SLC39A12: variants seen among roughly 807,000 people sequenced by gnomAD.
SLC39A12 encodes solute carrier family 39 member 12, also known as zinc transporter ZIP12.
Under a neutral mutation model 71.1 loss-of-function variants are expected in SLC39A12, and 63 were observed. That is an observed-to-expected ratio of 0.89 (90% confidence interval 0.72 to 1.09). SLC39A12 has a LOEUF of 1.09. Ranked by LOEUF, SLC39A12 falls within the 50% of genes least tolerant of loss-of-function variation. The pLI, the probability that SLC39A12 is intolerant of heterozygous loss-of-function variation, is 0.00. For synonymous variants in SLC39A12, 351 were observed against 301.3 expected, an observed-to-expected ratio of 1.16 and a Z score of -1.71; for missense variants, 892 against 812.6, an observed-to-expected ratio of 1.10 and a Z score of -1.19.
intron 11 of SLC39A12, 196 bp from the exon 12 acceptor site, chr10:18,002,975 G>T (rs1481505592): frequency 5.7e-6 from 3 of 521,962 alleles, no homozygotes; most frequent in Non-Finnish European, 1.0e-5. Flanking sequence ...CTCTTGAAAT[G>T]CAACTTCCTA....
intron 7 of SLC39A12, among the ~76,000 whole-genome samples, chr10:17,988,489 C>T (rs1297316311): frequency 5.3e-5 from 8 of 152,184 alleles, no homozygotes. Flanking sequence ...TGACACCATG[C>T]TTCCTGTACA....
chr10:17,979,366 AAAACTAG>A (rs1364339635), intron 5 of SLC39A12, among the ~76,000 whole-genome samples: 1 of 152,220 alleles, frequency 6.6e-6, no homozygotes, highest in East Asian at 1.9e-4. Flanking sequence ...AAGGTATTGT[AAAACTAG>A]AAACTATTCG....
chr10:17,964,580 G>A (rs970289556), intron 3 of SLC39A12, among the ~76,000 whole-genome samples: 9 of 152,198 alleles, frequency 5.9e-5, no homozygotes, highest in South Asian at 4.1e-4. Context: ...CAAAATTAGA[G>A]CTTTTCACAT....
intron 12 of SLC39A12, among the ~76,000 whole-genome samples, chr10:18,024,353 G>A (rs937138263): frequency 6.6e-5 from 10 of 152,114 alleles, no homozygotes; most frequent in Admixed American, 3.3e-4. Flanking sequence ...TGTCAGTCTG[G>A]AGGAACTGAG....
chr10:18,019,139 G>T (rs1199777098), intron 12 of SLC39A12, among the ~76,000 whole-genome samples: 3 of 152,004 alleles, frequency 2.0e-5, no homozygotes, highest in Non-Finnish European at 1.5e-5. Flanking sequence ...GTGTTTTTCA[G>T]GGAATTGGTC....
intron 12 of SLC39A12, among the ~76,000 whole-genome samples, chr10:18,036,772 A>T (rs1291162395): frequency 1.7e-3 from 20 of 11,894 alleles, no homozygotes; most frequent in African/African-American, 4.0e-3. Flanking sequence ...ATATATATAT[A>T]TATATATATA....
chr10:17,969,346 T>A (rs1466765679), intron 4 of SLC39A12, among the ~76,000 whole-genome samples: 1 of 152,122 alleles, frequency 6.6e-6, no homozygotes, highest in East Asian at 1.9e-4. Flanking sequence ...CAATTTTTAG[T>A]TTTTTTGAGA....
intron 12 of SLC39A12, among the ~76,000 whole-genome samples, chr10:18,042,486 C>T (rs560971191): frequency 2.7e-3 from 349 of 129,702 alleles, no homozygotes; most frequent in African/African-American, 9.4e-3. Context: ...AAAAAAAAGA[C>T]TTTGCCAATC....
chr10:18,025,067 A>G (rs144113825), intron 12 of SLC39A12, among the ~76,000 whole-genome samples: 81 of 152,276 alleles, frequency 5.3e-4, no homozygotes, highest in African/African-American at 1.9e-3. Context: ...TGGTATATTT[A>G]GATAACTGTT....
At chr10:17,990,305 C>T (rs186006737) in intron 7 of SLC39A12, among the ~76,000 whole-genome samples, 1 of 152,194 alleles carries the variant, frequency 6.6e-6, no homozygotes, top group East Asian at 1.9e-4. Context: ...TGTATACTCA[C>T]ATATACACAC....
chr10:17,956,486 G>C (rs80187370), intron 2 of SLC39A12, among the ~76,000 whole-genome samples: 1 of 152,154 alleles, frequency 6.6e-6, no homozygotes, highest in African/African-American at 2.4e-5. Context: ...TTAGGAATCA[G>C]ATCTCTCAGG....
At chr10:17,984,502 A>G (rs1835351880) in intron 6 of SLC39A12, among the ~76,000 whole-genome samples, 2 of 152,348 alleles carry the variant, frequency 1.3e-5, no homozygotes, top group East Asian at 3.9e-4. Flanking sequence ...TTTATTAAAC[A>G]TCCAGGTGCT....
intron 12 of SLC39A12, among the ~76,000 whole-genome samples, chr10:18,014,382 A>T (rs560731974): frequency 1.3e-5 from 2 of 152,326 alleles, no homozygotes; most frequent in East Asian, 3.9e-4. Flanking sequence ...CTACTGCTTA[A>T]CAAATTATTA....
chr10:17,987,616 C>G lies in SLC39A12; in HGVS notation c.1234C>G (p.Leu412Val). Reference sequence around the variant, plus strand: ...GTTTGTGGGCTTGGCCGTCGGGACACTGTCTGGGGACGCTCTGCTCCACCT... The same window carrying G: ...GTTTGTGGGCTTGGCCGTCGGGACAGTGTCTGGGGACGCTCTGCTCCACCT... ...QLFVGLAVGT[L>V]SGDALLHLIP... The change falls in exon 7 of 13, where the codon CTG (leucine) becomes GTG (valine). Residue 412 changes from leucine to valine, a missense_variant. By Grantham distance (32) the Leu-to-Val change is conservative. Transcript: ENST00000377369. 6.2e-6 allele frequency: 10 copies of G among 1,614,202 alleles called. No homozygotes were observed. The highest frequency in any genetic ancestry group is 1.3e-5 in the African/African-American group (1 of 75,056).
intron 12 of SLC39A12, among the ~76,000 whole-genome samples, chr10:18,038,195 G>A (rs1290090325): frequency 6.6e-6 from 1 of 151,630 alleles, no homozygotes; most frequent in African/African-American, 2.4e-5. Context: ...GGTGTTTTCT[G>A]GTGGATAATG....
intron 2 of SLC39A12, among the ~76,000 whole-genome samples, chr10:17,957,670 T>C (rs1834584442): frequency 6.6e-6 from 1 of 151,948 alleles, no homozygotes; most frequent in African/African-American, 2.4e-5. Flanking sequence ...ACAAAACAAA[T>C]CTAGTGGCGT....
At chr10:17,965,357 C>T in intron 3 of SLC39A12, 126 bp from the exon 4 acceptor site, 3 of 770,202 alleles carry the variant, frequency 3.9e-6, no homozygotes, top group East Asian at 5.4e-5. Flanking sequence ...AGTCATATTC[C>T]TCAAATGATT....
chr10:17,987,985 C>A (rs572219946), intron 7 of SLC39A12, among the ~76,000 whole-genome samples: 1 of 152,200 alleles, frequency 6.6e-6, no homozygotes, highest in South Asian at 2.1e-4. Context: ...AACAGCCTGG[C>A]CGATGTGGTG....
chr10:18,035,717 A>G (rs1836986394), intron 12 of SLC39A12, among the ~76,000 whole-genome samples: 4 of 152,134 alleles, frequency 2.6e-5, no homozygotes, highest in Non-Finnish European at 4.4e-5. Context: ...GGAGGAGGAG[A>G]GATGCTCTGC....
Sources: gnomAD v4.1 joint callset for allele counts (sites outside exome capture counted in the v4.1 genomes callset) on GRCh38, gnomAD v4.1.1 for gene constraint, MANE v1.5 for transcripts, NCBI Gene and HGNC (gene_info 2026-07-23, HGNC 2026-07-21) for gene names.